The following MTMR12 variants were observed in gnomAD, a reference collection of about 807,000 sequenced individuals.
MTMR12 encodes myotubularin-related protein 12.
Under a neutral mutation model 96.7 loss-of-function variants are expected in MTMR12, and 33 were observed. The ratio of observed to expected loss-of-function variants is 0.34; its 90% confidence interval spans 0.26 to 0.46. MTMR12 has a LOEUF of 0.46. MTMR12 is among the 20% of genes least tolerant of loss of function. MTMR12 has a pLI of 1.00. For missense variants in MTMR12, 721 were observed against 896.1 expected (o/e 0.80, Z 2.49); for synonymous variants, 298 against 327.2 (o/e 0.91, Z 0.96).
chr5:32,288,141 T>C (rs1333047704), intron 1 of MTMR12, among the ~76,000 whole-genome samples: 5 of 152,138 alleles, frequency 3.3e-5, no homozygotes, highest in African/African-American at 1.2e-4. Flanking sequence ...CCAGGTGTCT[T>C]TTGTTAAAGT....
At chr5:32,279,341 G>A (rs765854465) in intron 1 of MTMR12, among the ~76,000 whole-genome samples, 3 of 151,966 alleles carry the variant, frequency 2.0e-5, no homozygotes, top group Non-Finnish European at 4.4e-5. Context: ...GATCACTTGA[G>A]GCCAGGAGGT....
Position 32,245,499 on chromosome 5 carries a change from G to C in MTMR12, c.1022-1900C>G, listed in dbSNP as rs550619407. Among the ~76,000 whole-genome samples, 61 of 152,176 alleles carry C rather than the reference G, an allele frequency of 4.0e-4. 1 individual carries two copies. The South Asian group carries it at 0.013, about 32-fold the overall frequency. ...GGACCCTCTGATGAAGTCTTCCTGG[G>C]CATTTTTCTACAAAAGCGTTGGCCA... is the stretch of plus-strand genomic sequence containing the variant. On this transcript the variant is annotated intron_variant, in intron 10 of 15. Transcript: ENST00000382142.
chr5:32,288,201 G>A (rs1750614777), intron 1 of MTMR12, among the ~76,000 whole-genome samples: 2 of 152,186 alleles, frequency 1.3e-5, no homozygotes, highest in South Asian at 2.1e-4. Context: ...GAATGGGAAC[G>A]TGTGGGAGGA....
intron 1 of MTMR12, among the ~76,000 whole-genome samples, chr5:32,277,587 T>C (rs1180940785): frequency 1.3e-5 from 2 of 151,886 alleles, no homozygotes; most frequent in East Asian, 3.9e-4. Flanking sequence ...TAATCCCAGC[T>C]ACTTGGGAGG....
chr5:32,286,288 C>T (rs1424173315), intron 1 of MTMR12, among the ~76,000 whole-genome samples: 2 of 152,106 alleles, frequency 1.3e-5, no homozygotes, highest in Admixed American at 6.5e-5. Context: ...CTGCAGTGAG[C>T]TGTGATTATG....
At chr5:32,241,237 C>T (rs75516144) in intron 12 of MTMR12, among the ~76,000 whole-genome samples, 22 of 152,310 alleles carry the variant, frequency 1.4e-4, no homozygotes, top group Non-Finnish European at 2.9e-4. Flanking sequence ...AGGCAACTCT[C>T]TCATTAGGTT....
chr5:32,253,500 T>C (rs1180569538), intron 8 of MTMR12, among the ~76,000 whole-genome samples: 1 of 152,202 alleles, frequency 6.6e-6, no homozygotes, highest in African/African-American at 2.4e-5. Context: ...GTTTCCCGGG[T>C]AGATGTATAA....
intron 7 of MTMR12, among the ~76,000 whole-genome samples, chr5:32,257,917 AATACAAAT>A (rs1749205107): frequency 6.6e-6 from 1 of 152,210 alleles, no homozygotes; most frequent in African/African-American, 2.4e-5. Context: ...AAAATATAAA[AATACAAAT>A]ATAAATAAAA....
At chr5:32,285,925 A>T (rs936888960) in intron 1 of MTMR12, among the ~76,000 whole-genome samples, 8 of 152,198 alleles carry the variant, frequency 5.3e-5, no homozygotes, top group African/African-American at 1.9e-4. Flanking sequence ...AATGGGCCTG[A>T]GTCAATATTT....
intron 1 of MTMR12, among the ~76,000 whole-genome samples, chr5:32,289,478 AC>A (rs1406809145): frequency 6.6e-6 from 1 of 152,126 alleles, no homozygotes; most frequent in Non-Finnish European, 1.5e-5. Context: ...CCCCAAGGAG[AC>A]CTCTGACATT....
In MTMR12 at chr5:32,248,955, G is replaced by A. The variant is rs1255299071; in HGVS notation, c.790-77C>T. ...GGACACATAAGCTTAGCATTTAAAT[G>A]CATACAGGGAAATCTGTAACTTCAG... On this transcript the variant is annotated intron_variant, in intron 8 of 15. Coordinates refer to ENST00000382142, the MANE Select transcript of MTMR12 (RefSeq NM_001040446.3). 4.5e-6 allele frequency: 5 copies of A among 1,100,814 alleles called. No individual in the cohort carries two copies. In the Admixed American group the frequency reaches 6.9e-5, roughly 15 times the overall value. The allele number at this position is 1,100,814 out of a possible 1,614,324, so 68.2% of individuals were successfully genotyped here.
rs769874740 is a variant in MTMR12, at chr5:32,239,177, G to A, written c.1172-4C>T. On this transcript the variant is annotated splice_region_variant and splice_polypyrimidine_tract_variant and intron_variant, in intron 12 of 15. Coordinates refer to ENST00000382142, the MANE Select transcript of MTMR12 (RefSeq NM_001040446.3). ...CAGAGGTCGGATGCATTCTCCTCTA[G>A]GAGAGGCCCCAGCAGCAGTGCAAAG... 6.3e-7 allele frequency: 1 copy of A among 1,576,344 alleles called. No homozygotes were observed. The highest frequency in any genetic ancestry group is 8.6e-7 in the Non-Finnish European group (1 of 1,157,424).
chr5:32,309,594 A>T (rs1179776801), intron 1 of MTMR12: 1 of 152,220 alleles, frequency 6.6e-6, no homozygotes, highest in Non-Finnish European at 1.5e-5. Context: ...CAAATGGCAA[A>T]AAAAGGTACA....
chr5:32,271,388 T>C (rs559490086), intron 4 of MTMR12, among the ~76,000 whole-genome samples: 1 of 152,358 alleles, frequency 6.6e-6, no homozygotes, highest in East Asian at 1.9e-4. Flanking sequence ...ACATCATAAA[T>C]GATCACTGAA....
intron 7 of MTMR12, among the ~76,000 whole-genome samples, chr5:32,259,779 T>C (rs1340666728): frequency 6.6e-6 from 1 of 152,116 alleles, no homozygotes; most frequent in Non-Finnish European, 1.5e-5. Context: ...CTCAAGCCTG[T>C]AATCCCAGCA....
intron 7 of MTMR12, among the ~76,000 whole-genome samples, chr5:32,261,093 C>T (rs1463833508): frequency 6.6e-6 from 1 of 151,370 alleles, no homozygotes; most frequent in Non-Finnish European, 1.5e-5. Flanking sequence ...ATTAGTGGGG[C>T]GTGGTGGCAG....
intron 1 of MTMR12, among the ~76,000 whole-genome samples, chr5:32,279,045 C>T (rs553156098): frequency 1.3e-3 from 168 of 127,742 alleles, no homozygotes; most frequent in African/African-American, 4.8e-3. Flanking sequence ...CTTTGCACTC[C>T]GGCCTGGGCA....
intron 7 of MTMR12, among the ~76,000 whole-genome samples, chr5:32,260,088 G>C (rs1432018803): frequency 2.7e-5 from 4 of 150,338 alleles, no homozygotes; most frequent in Non-Finnish European, 5.9e-5. Context: ...GACTGATGAA[G>C]TGGAGTTAAT....
intron 7 of MTMR12, among the ~76,000 whole-genome samples, chr5:32,261,795 G>A (rs757260505): frequency 2.6e-5 from 4 of 152,168 alleles, no homozygotes; most frequent in Admixed American, 1.3e-4. Context: ...GAAAAAGGCC[G>A]GGCGCAATGG....
Sources: gnomAD v4.1 joint callset for allele counts (sites outside exome capture counted in the v4.1 genomes callset) on GRCh38, gnomAD v4.1.1 for gene constraint, MANE v1.5 for transcripts, NCBI Gene and HGNC (gene_info 2026-07-23, HGNC 2026-07-21) for gene names.